PRDM11: variants seen among roughly 807,000 people sequenced by gnomAD.
PRDM11 encodes PR domain-containing protein 11.
In PRDM11, 20 loss-of-function variants were observed where a neutral mutation model predicts 97.8. That is an observed-to-expected ratio of 0.20 (90% CI 0.14 to 0.30). The LOEUF (loss-of-function observed/expected upper bound fraction) is 0.30, where lower values mean the gene tolerates loss of function less well. PRDM11 is among the 10% of genes least tolerant of loss of function. PRDM11 has a pLI of 1.00. For synonymous variants in PRDM11, 599 were observed against 637.7 expected (o/e 0.94, Z 0.91); for missense variants, 1,139 against 1,555.2 (o/e 0.73, Z 4.50).
chr11:45,162,723 A>C (rs1590394709), intron 1 of PRDM11, among the ~76,000 whole-genome samples: 1 of 152,318 alleles, frequency 6.6e-6, no homozygotes, highest in East Asian at 1.9e-4. Flanking sequence ...TCATGGCAGT[A>C]TAGCTTCAGA....
chr11:45,173,672 T>A (rs1269238889), intron 1 of PRDM11, among the ~76,000 whole-genome samples: 3 of 148,136 alleles, frequency 2.0e-5, no homozygotes, highest in Non-Finnish European at 4.5e-5. Context: ...CTTGGGAGAA[T>A]GTGTTCCACC....
intron 1 of PRDM11, among the ~76,000 whole-genome samples, chr11:45,155,473 G>T (rs1851770930): frequency 6.6e-6 from 1 of 152,168 alleles, no homozygotes; most frequent in Admixed American, 6.5e-5. Flanking sequence ...GAGGTGGTTG[G>T]CTGGGGCTTG....
At chr11:45,225,850 G>A in intron 7 of PRDM11, 145 bp from the exon 8 acceptor site, 1 of 1,061,332 alleles carries the variant, frequency 9.4e-7, no homozygotes, top group Non-Finnish European at 1.3e-6. Flanking sequence ...ACTAATTCTG[G>A]GCTGGGATTC....
chr11:45,146,395 CTCT>C (rs1851508767), upstream of PRDM11, among the ~76,000 whole-genome samples: 2 of 152,222 alleles, frequency 1.3e-5, no homozygotes, highest in African/African-American at 4.8e-5. Context: ...CGAAAGTTCT[CTCT>C]TAACCTTTTC....
At chr11:45,166,725 G>C (rs1322967617) in intron 1 of PRDM11, among the ~76,000 whole-genome samples, 2 of 152,216 alleles carry the variant, frequency 1.3e-5, no homozygotes, top group Non-Finnish European at 2.9e-5. Context: ...ACCCGACACA[G>C]AGCTGGGCAT....
chr11:45,151,779 G>T (rs1053334830), intron 1 of PRDM11, among the ~76,000 whole-genome samples: 1 of 152,228 alleles, frequency 6.6e-6, no homozygotes, highest in Non-Finnish European at 1.5e-5. Flanking sequence ...TAGCACAGGA[G>T]GGGAGAGGCT....
At chr11:45,133,381 C>T (rs1157688282) in intron 1 of PRDM11, among the ~76,000 whole-genome samples, 1 of 152,234 alleles carries the variant, frequency 6.6e-6, no homozygotes, top group Non-Finnish European at 1.5e-5. Flanking sequence ...TCCACTTTCT[C>T]TTTCTGAATG....
Position 45,109,569 on chromosome 11 carries a change from G to A in PRDM11, c.96+13668G>A, listed in dbSNP as rs558813772. Among the ~76,000 whole-genome samples, 48 of 152,312 alleles carry A rather than the reference G, an allele frequency of 3.2e-4. 1 individual carries two copies. In the South Asian group the frequency reaches 5.2e-3, roughly 16 times the overall value. ...TCAAAATATTCAGAGGCTATCCTGC[G>A]GAGGAGGGAGAGTATCTGTTCTCTG... On this transcript the variant is annotated intron_variant, in intron 1 of 6. Transcript: ENST00000530656.
intron 1 of PRDM11, among the ~76,000 whole-genome samples, chr11:45,107,784 A>C (rs1189761391): frequency 6.6e-6 from 1 of 152,024 alleles, no homozygotes; most frequent in African/African-American, 2.4e-5. Flanking sequence ...TAAAGGCTCC[A>C]GCACAGTTCC....
intron 5 of PRDM11, chr11:45,214,688 C>T (rs764438139): frequency 2.0e-5 from 3 of 152,166 alleles, no homozygotes; most frequent in Non-Finnish European, 2.9e-5. Context: ...GATTGCCTTC[C>T]GAAGTATTTT....
At chr11:45,185,195 A>G (rs1410226474) in intron 4 of PRDM11, among the ~76,000 whole-genome samples, 1 of 152,218 alleles carries the variant, frequency 6.6e-6, no homozygotes, top group African/African-American at 2.4e-5. Flanking sequence ...AACCTGAGGC[A>G]ATTTTGCAGC....
chr11:45,211,075 A>G (rs1042989070), intron 5 of PRDM11, among the ~76,000 whole-genome samples: 3 of 152,196 alleles, frequency 2.0e-5, no homozygotes, highest in African/African-American at 4.8e-5. Context: ...GGCAGTGGCC[A>G]GCTGCGGCAG....
intron 5 of PRDM11, among the ~76,000 whole-genome samples, chr11:45,210,815 G>T (rs1853703454): frequency 6.6e-6 from 1 of 152,148 alleles, no homozygotes; most frequent in African/African-American, 2.4e-5. Context: ...CTTGAACCCG[G>T]GTCTGCTGGC....
chr11:45,222,785 T>A (rs564647463), intron 6 of PRDM11, among the ~76,000 whole-genome samples: 1 of 152,160 alleles, frequency 6.6e-6, no homozygotes, highest in Non-Finnish European at 1.5e-5. Context: ...CAATCAGAAG[T>A]CTTTTGCAAA....
intron 4 of PRDM11, among the ~76,000 whole-genome samples, chr11:45,184,967 G>A (rs1852652201): frequency 6.6e-6 from 1 of 152,158 alleles, no homozygotes; most frequent in African/African-American, 2.4e-5. Flanking sequence ...CTGCAAAGGA[G>A]ACAGAGAAGG....
chr11:45,143,334 G>C (rs2135669835), upstream of PRDM11, among the ~76,000 whole-genome samples: 1 of 152,132 alleles, frequency 6.6e-6, no homozygotes, highest in East Asian at 1.9e-4. Flanking sequence ...ATTACTAGTA[G>C]GGGGTGGAGG....
Position 45,228,058 on chromosome 11 carries a change from T to TA in PRDM11, c.3434dup (p.Tyr1145Ter), listed in dbSNP as rs1356196841. 1 of 1,533,740 alleles carries TA rather than the reference T, an allele frequency of 6.5e-7. No individual in the cohort carries two copies. The highest frequency in any genetic ancestry group is 1.4e-5 in the African/African-American group (1 of 73,014). ...GTTTGAGGAGAAGTCTGGGAACAGTTACGCGCTGTCTGCAGAAGTCCTCAG... is the reference window on the plus strand; with the variant it reads ...GTTTGAGGAGAAGTCTGGGAACAGTTAACGCGCTGTCTGCAGAAGTCCTCAG... The part of the protein sequence containing the change: ...SWFEEKSGNS[Y>*]ALSAEVLSRM... Residue 1145 changes from tyrosine to a stop codon, truncating the protein, a stop_gained and frameshift_variant, in exon 8 of 8, where the codon TAC becomes TAAC. Coordinates refer to ENST00000683152, the MANE Select transcript of PRDM11 (RefSeq NM_001384648.1). LOFTEE classifies it high-confidence loss of function.
rs1276932392 is a variant in PRDM11 at position 45,195,399 on chromosome 11, C to G, written c.487-9312C>G. Among the ~76,000 whole-genome samples, 7 of 152,204 alleles carry G rather than the reference C, an allele frequency of 4.6e-5. No homozygotes were observed. In the South Asian group the frequency reaches 1.5e-3, roughly 32 times the overall value. ...TTCAACCCCTCACCCCCACCCATCC[C>G]TAGGCAACCACTAATCTACTTTCTG... On this transcript the variant is annotated intron_variant, in intron 4 of 7. Transcript: ENST00000683152.
At chr11:45,113,694 T>C (rs1276891943) in intron 1 of PRDM11, among the ~76,000 whole-genome samples, 1 of 152,086 alleles carries the variant, frequency 6.6e-6, no homozygotes, top group East Asian at 1.9e-4. Context: ...CTAAATTATT[T>C]ATTTATTTAT....
Sources: allele counts gnomAD v4.1 joint callset (sites outside exome capture counted in the v4.1 genomes callset), GRCh38; gene constraint gnomAD v4.1.1; transcripts MANE v1.5; gene names NCBI Gene and HGNC (gene_info 2026-07-23, HGNC 2026-07-21).